The following ATP8B4 variants were observed in gnomAD, a reference collection of about 807,000 sequenced individuals.
ATP8B4 encodes ATPase phospholipid transporting 8B4 (putative), also known as probable phospholipid-transporting ATPase IM.
A neutral mutation model predicts 145.6 loss-of-function variants in ATP8B4; 133 were observed. The ratio of observed to expected loss-of-function variants is 0.91; its 90% confidence interval spans 0.79 to 1.05. The LOEUF is 1.05. Ranked by LOEUF, ATP8B4 falls within the 50% of genes least tolerant of loss-of-function variation. ATP8B4 has a pLI of 0.00. For missense variants in ATP8B4, 1,458 were observed against 1,425.2 expected, an observed-to-expected ratio of 1.02 and a Z score of -0.37; for synonymous variants, 507 against 492.9, an observed-to-expected ratio of 1.03 and a Z score of -0.38.
At position 50,047,448 on chromosome 15, in the gene ATP8B4, G is replaced by T; in HGVS notation, c.104C>A (p.Thr35Lys). The T allele has an allele frequency of 6.4e-7, 1 of 1,569,570 alleles. No homozygotes were observed. Among genetic ancestry groups the T allele is most frequent in the Admixed American group, 1.7e-5 (1 of 59,934 alleles). The part of the protein sequence containing the change: ...KFQYADNRIH[T>K]SKYNILTFLP... The stretch of plus-strand genomic sequence containing the variant: ...GAAGGTGAGAATATTATATTTCGAT[G>T]TGTGGATACGATTATCCTGGAAAAG... The change falls in exon 4 of 28, where the codon ACA becomes AAA. Residue 35 changes from threonine (T) to lysine (K), a missense_variant. Transcript: ENST00000284509.
intron 1 of ATP8B4, among the ~76,000 whole-genome samples, chr15:50,126,449 C>G (rs2057308131): frequency 6.6e-6 from 1 of 152,084 alleles, no homozygotes; most frequent in Non-Finnish European, 1.5e-5. Context: ...ATCCAGATCC[C>G]AAGAGAAGGT....
At chr15:50,077,550 T>C (rs1194246806) in intron 2 of ATP8B4, among the ~76,000 whole-genome samples, 2 of 152,154 alleles carry the variant, frequency 1.3e-5, no homozygotes, top group African/African-American at 4.8e-5. Flanking sequence ...TCAGTAAATA[T>C]GAAGATTGAG....
intron 14 of ATP8B4, among the ~76,000 whole-genome samples, chr15:49,940,233 A>G (rs2042056934): frequency 6.6e-6 from 1 of 152,200 alleles, no homozygotes; most frequent in African/African-American, 2.4e-5. Flanking sequence ...GAATGAAATC[A>G]TGCCCTTTGT....
intron 14 of ATP8B4, 95 bp downstream of exon 14, chr15:49,961,882 T>G (rs1599453801): frequency 1.9e-6 from 2 of 1,057,484 alleles, no homozygotes; most frequent in African/African-American, 3.3e-5. Context: ...TCATCTGGTC[T>G]TGGTGGAAAT....
intron 18 of ATP8B4, among the ~76,000 whole-genome samples, chr15:49,919,992 T>C (rs2040110176): frequency 6.6e-6 from 1 of 152,168 alleles, no homozygotes; most frequent in Admixed American, 6.5e-5. Context: ...TGACAAAGAA[T>C]AGGTAGCCTA....
At chr15:50,001,100 T>C (rs796981981) in intron 8 of ATP8B4, among the ~76,000 whole-genome samples, 3 of 152,084 alleles carry the variant, frequency 2.0e-5, no homozygotes, top group African/African-American at 7.2e-5. Context: ...TTGTCACTTG[T>C]ATTGATGTTT....
At chr15:50,085,258 T>C (rs1017915329) in intron 2 of ATP8B4, among the ~76,000 whole-genome samples, 2 of 152,158 alleles carry the variant, frequency 1.3e-5, no homozygotes, top group South Asian at 4.1e-4. Context: ...TGTGTTTGCA[T>C]AGTCCTTTTT....
intron 23 of ATP8B4, chr15:49,883,560 T>A (rs1024380251): frequency 2.6e-5 from 4 of 152,206 alleles, no homozygotes; most frequent in Non-Finnish European, 4.4e-5. Context: ...TTTACATATA[T>A]CGGCTCATTA....
At chr15:50,093,398 T>G (rs973285293) in intron 2 of ATP8B4, among the ~76,000 whole-genome samples, 7 of 152,072 alleles carry the variant, frequency 4.6e-5, no homozygotes, top group Non-Finnish European at 1.0e-4. Context: ...AAAATTTGAT[T>G]AAAAGAGTTA....
chr15:50,155,378 A>G (rs1322859679), intron 1 of ATP8B4, among the ~76,000 whole-genome samples: 1 of 152,178 alleles, frequency 6.6e-6, no homozygotes, highest in Non-Finnish European at 1.5e-5. Flanking sequence ...TTATAGTTTT[A>G]TAACCTTTGT....
chr15:50,088,180 G>A (rs1193527957), intron 2 of ATP8B4, among the ~76,000 whole-genome samples: 2 of 152,074 alleles, frequency 1.3e-5, no homozygotes, highest in Admixed American at 1.3e-4. Context: ...CTGAGCAGAA[G>A]CTCGAGACCA....
intron 1 of ATP8B4, among the ~76,000 whole-genome samples, chr15:50,137,564 C>G (rs1339274035): frequency 6.6e-6 from 1 of 152,204 alleles, no homozygotes; most frequent in Non-Finnish European, 1.5e-5. Flanking sequence ...TGAATGTGCT[C>G]TAAGATCTGA....
intron 14 of ATP8B4, among the ~76,000 whole-genome samples, chr15:49,954,059 A>G (rs1052979940): frequency 2.0e-5 from 3 of 150,240 alleles, no homozygotes; most frequent in Non-Finnish European, 4.4e-5. Context: ...TGAAGGATTC[A>G]CATGCTTATT....
intron 1 of ATP8B4, among the ~76,000 whole-genome samples, chr15:50,133,860 G>A (rs1157426673): frequency 6.6e-6 from 1 of 152,098 alleles, no homozygotes; most frequent in African/African-American, 2.4e-5. Flanking sequence ...AATGAGCCAG[G>A]TATGGTGGTT....
chr15:49,932,895 C>G (rs539002918), intron 15 of ATP8B4, among the ~76,000 whole-genome samples: 2 of 152,080 alleles, frequency 1.3e-5, no homozygotes, highest in African/African-American at 4.8e-5. Context: ...TAAATAGAAC[C>G]CTCCTTATAA....
At chr15:49,864,741 T>C (rs1488058908) in intron 26 of ATP8B4, among the ~76,000 whole-genome samples, 2 of 152,174 alleles carry the variant, frequency 1.3e-5, no homozygotes, top group Admixed American at 6.5e-5. Context: ...TCGAGCCACA[T>C]TTGCATGAAT....
At chr15:50,018,981 A>C (rs1461254194) in intron 6 of ATP8B4, 6 of 1,200,576 alleles carry the variant, frequency 5.0e-6, no homozygotes, top group Non-Finnish European at 6.6e-6. Context: ...CAGCACCTTC[A>C]TTATGAGGAG....
chr15:50,022,788 G>C (rs1179233999), intron 6 of ATP8B4, among the ~76,000 whole-genome samples: 1 of 152,222 alleles, frequency 6.6e-6, no homozygotes, highest in Non-Finnish European at 1.5e-5. Context: ...TAAGTCCCTG[G>C]AACAGGGGAA....
At chr15:50,081,187 C>T (rs1223856461) in intron 2 of ATP8B4, among the ~76,000 whole-genome samples, 1 of 151,832 alleles carries the variant, frequency 6.6e-6, no homozygotes, top group Admixed American at 6.6e-5. Context: ...GCCAATGATC[C>T]TTCTGCAAGT....
Sources: allele counts gnomAD v4.1 joint callset (sites outside exome capture counted in the v4.1 genomes callset), GRCh38; gene constraint gnomAD v4.1.1; transcripts MANE v1.5; gene names NCBI Gene and HGNC (gene_info 2026-07-23, HGNC 2026-07-21).